TYK2: variants seen among roughly 807,000 people sequenced by gnomAD.
TYK2 encodes tyrosine kinase 2, also known as non-receptor tyrosine-protein kinase TYK2.
TYK2 carries 65 observed loss-of-function variants against 130.9 expected under a neutral mutation model. The ratio of observed to expected loss-of-function variants is 0.50; its 90% CI spans 0.41 to 0.61. TYK2 has a LOEUF of 0.61. Among genes scored for constraint, TYK2 ranks in the 20% least tolerant of loss-of-function variants. TYK2 has a pLI of 0.00. For synonymous variants in TYK2, 647 were observed against 658.9 expected (o/e 0.98, Z 0.28); for missense variants, 1,378 against 1,610.7 (o/e 0.86, Z 2.47).
intron 9 of TYK2, among the ~76,000 whole-genome samples, chr19:10,363,540 T>C (rs970991469): frequency 6.6e-5 from 10 of 152,004 alleles, no homozygotes; most frequent in East Asian, 1.9e-4. Context: ...CACTCCAAGA[T>C]TGGAAACAGC....
In TYK2 at chr19:10,380,490, G is replaced by C. The variant is rs1313657668; in HGVS notation, c.-296C>G. On this transcript the variant is annotated 5_prime_UTR_variant, in exon 1 of 25. Coordinates refer to ENST00000525621, the MANE Select transcript of TYK2 (RefSeq NM_003331.5). ...GAGGACCTCCGGCCGCGCTCCTTCCGCGCCCGCGTCCAGACTCACCCTTCC... is the reference window on the plus strand; with the variant it reads ...GAGGACCTCCGGCCGCGCTCCTTCCCCGCCCGCGTCCAGACTCACCCTTCC... The C allele has an allele frequency of 6.6e-6, 1 of 152,440 alleles. No individual in the cohort carries two copies. Among genetic ancestry groups the C allele is most frequent in the Non-Finnish European group, 1.5e-5 (1 of 68,124 alleles). 9.4% of individuals were successfully genotyped at this position (152,440 alleles called of 1,614,324 possible). A position where few individuals can be genotyped will look rare whatever the true frequency, so the allele number is the denominator to read the frequency against.
chr19:10,352,446 C>T lies in TYK2; in HGVS notation c.3306G>A (p.Gln1102=), dbSNP rs758487187. 6.2e-7 allele frequency: 1 copy of T among 1,610,096 alleles called. No homozygotes were observed. Among genetic ancestry groups the T allele is most frequent in the Admixed American group, 1.7e-5 (1 of 59,476 alleles). ...YELLTHCDSS[Q]SPPTKFLELI... ...GCCTGGCTCTCACCGTGGGGGGGCTCTGGCTGGAGTCACAGTGCGTCAGCA... is the reference window on the plus strand; with the variant it reads ...GCCTGGCTCTCACCGTGGGGGGGCTTTGGCTGGAGTCACAGTGCGTCAGCA... The change falls in exon 23 of 25, where the codon CAG becomes CAA. Residue 1102 remains glutamine, a synonymous_variant. Coordinates refer to ENST00000525621, the MANE Select transcript of TYK2 (RefSeq NM_003331.5).
chr19:10,358,112 A>T lies in TYK2; in HGVS notation c.2202T>A (p.Asn734Lys). 6.2e-7 allele frequency: 1 copy of T among 1,610,982 alleles called. No homozygotes were observed. The highest frequency in any genetic ancestry group is 8.5e-7 in the Non-Finnish European group (1 of 1,179,070). The change falls in exon 16 of 25, where the codon AAT becomes AAA. Residue 734 changes from asparagine (N) to lysine (K), a missense_variant. Coordinates refer to ENST00000525621, the MANE Select transcript of TYK2 (RefSeq NM_003331.5). ...YLENKNLVHG[N>K]VCGRNILLAR... ...CCAGCAGGATGTTCCGGCCACACAC[A>T]TTACCATGAACCAGGTTCTTGTTCT...
Position 10,353,494 on chromosome 19 carries a change from G to A in TYK2, c.3027+34C>T. The A allele has an allele frequency of 2.1e-6, 3 of 1,435,514 alleles. No homozygotes were observed. The highest frequency in any genetic ancestry group is 2.8e-6 in the Non-Finnish European group (3 of 1,073,880). The allele number at this position is 1,435,514 out of a possible 1,614,324, so 88.9% of individuals were successfully genotyped here. The stretch of plus-strand genomic sequence containing the variant: ...GCCAGCCCAAGCTGAAGAGGAAGGG[G>A]CAAGCTCCAGAAGCAGGGGCGGGGC... On this transcript the variant is annotated intron_variant, in intron 21 of 24. Transcript: ENST00000525621. The surrounding 1 kb of genome is among the most constrained non-coding windows in gnomAD (Gnocchi z 6.9).
chr19:10,354,091 C>G lies in TYK2; in HGVS notation c.2859G>C (p.Thr953=), dbSNP rs748253254. Residue 953 remains threonine (T), a synonymous_variant, in exon 20 of 25, where the codon ACG becomes ACC. Transcript: ENST00000525621. ...GWKQEIDILR[T]LYHEHIIKYK... is the part of the protein sequence containing the mutation. The stretch of plus-strand genomic sequence containing the variant: ...ACTTGATGATGTGCTCGTGGTAGAG[C>G]GTGCGCAGAATGTCAATCTCCTGCT... 6.2e-7 allele frequency: 1 copy of G among 1,614,090 alleles called. No individual in the cohort carries two copies. Among genetic ancestry groups the G allele is most frequent in the Admixed American group, 1.7e-5 (1 of 60,032 alleles).
intron 5 of TYK2, among the ~76,000 whole-genome samples, 169 bp from the exon 6 acceptor site, chr19:10,366,749 A>G (rs1422563341): frequency 6.6e-6 from 1 of 152,000 alleles, no homozygotes; most frequent in Non-Finnish European, 1.5e-5. Flanking sequence ...AAAAAAAAAA[A>G]AAAGAATATC....
In TYK2 at chr19:10,362,391, G is replaced by A. The variant is rs773294079; in HGVS notation, c.1542C>T (p.Phe514=). The A allele has an allele frequency of 2.9e-5, 47 of 1,613,688 alleles. No homozygotes were observed. Among genetic ancestry groups the A allele is most frequent in the East Asian group, 1.1e-4 (5 of 44,894 alleles). ...AGGACCGGCCCCAGCCCTCCAGCACGAAGGCCCCGTCCTGCTGCTCAATGG... is the reference window on the plus strand; with the variant it reads ...AGGACCGGCCCCAGCCCTCCAGCACAAAGGCCCCGTCCTGCTGCTCAATGG... ...KFPIEQQDGA[F]VLEGWGRSFP... is the part of the protein sequence containing the mutation. Residue 514 remains phenylalanine (F), a synonymous_variant, in exon 11 of 25, where the codon TTC becomes TTT. Coordinates refer to ENST00000525621, the MANE Select transcript of TYK2 (RefSeq NM_003331.5).
In TYK2 at chr19:10,378,220, T is replaced by C. The variant is rs1249291887; in HGVS notation, c.187A>G (p.Lys63Glu). 3 of 1,612,714 alleles carry C rather than the reference T, an allele frequency of 1.9e-6. No homozygotes were observed. The East Asian group carries it at 6.7e-5, about 36-fold the overall frequency. ...AEEVCIHIAH[K>E]VGITPPCFNL... ...GCCAACGCCCCAGACTCACCAACTT[T>C]ATGTGCAATGTGGATGCAGACTTCC... Residue 63 changes from lysine to glutamate, a missense_variant, in exon 3 of 25, where the codon AAA becomes GAA. Physicochemically the swap from Lys to Glu is moderately conservative, Grantham distance 56 (BLOSUM62 1). Coordinates refer to ENST00000525621, the MANE Select transcript of TYK2 (RefSeq NM_003331.5).
Position 10,362,393 on chromosome 19 carries a change from A to G in TYK2, c.1540T>C (p.Phe514Leu), listed in dbSNP as rs2041453601. Residue 514 changes from phenylalanine (F) to leucine (L), a missense_variant, in exon 11 of 25, where the codon TTC becomes CTC. Transcript: ENST00000525621. ...KFPIEQQDGA[F>L]VLEGWGRSFP... is the part of the protein sequence containing the mutation. The stretch of plus-strand genomic sequence containing the variant: ...GACCGGCCCCAGCCCTCCAGCACGA[A>G]GGCCCCGTCCTGCTGCTCAATGGGG... 6.2e-7 allele frequency: 1 copy of G among 1,613,744 alleles called. No individual in the cohort carries two copies. The highest frequency in any genetic ancestry group is 2.2e-5 in the East Asian group (1 of 44,878).
chr19:10,363,813 C>G (rs985826920), intron 9 of TYK2, among the ~76,000 whole-genome samples: 1 of 152,188 alleles, frequency 6.6e-6, no homozygotes, highest in African/African-American at 2.4e-5. Context: ...CCTGTCTGTA[C>G]GGGGGCAGCA....
chr19:10,363,505 A>G (rs933017956), intron 9 of TYK2, among the ~76,000 whole-genome samples: 1 of 152,114 alleles, frequency 6.6e-6, no homozygotes, highest in African/African-American at 2.4e-5. Context: ...ACTTGACGCC[A>G]GACGGGCCCT....
intron 17 of TYK2, chr19:10,357,429 C>T (rs1265338746): frequency 1.5e-6 from 1 of 682,544 alleles, no homozygotes; most frequent in East Asian, 2.7e-5. Context: ...CTTTGGGAAG[C>T]CTTGTCTGAC....
chr19:10,357,964 G>A, intron 16 of TYK2, 39 bp downstream of exon 16: 1 of 1,613,458 alleles, frequency 6.2e-7, no homozygotes, highest in Non-Finnish European at 8.5e-7. Context: ...AGGAGCAGGG[G>A]AAGCCCCCCA....
chr19:10,351,002 C>T, intron 24 of TYK2, 34 bp from the exon 25 acceptor site: 2 of 1,614,124 alleles, frequency 1.2e-6, no homozygotes, highest in Non-Finnish European at 1.7e-6. Flanking sequence ...TGGGGGCTGC[C>T]CTCTCCACAG....
At chr19:10,355,635 C>T (rs576222526) in intron 18 of TYK2, among the ~76,000 whole-genome samples, 29 of 98,946 alleles carry the variant, frequency 2.9e-4, no homozygotes, top group African/African-American at 1.2e-3. Context: ...AGCAAAACTC[C>T]ATCTCAAAAA....
chr19:10,358,308 T>G (rs1332664954), intron 15 of TYK2, among the ~76,000 whole-genome samples, 170 bp from the exon 16 acceptor site: 4 of 148,036 alleles, frequency 2.7e-5, no homozygotes, highest in Non-Finnish European at 6.0e-5. Flanking sequence ...TTTTTTTTTT[T>G]TTTTTTTTTT....
chr19:10,371,238 G>C (rs1398977567), intron 3 of TYK2, among the ~76,000 whole-genome samples: 4 of 151,692 alleles, frequency 2.6e-5, no homozygotes, highest in Non-Finnish European at 5.9e-5. Flanking sequence ...GTAGCTGGGA[G>C]GCTGAGCTAC....
chr19:10,357,521 C>T (rs1395771211), intron 17 of TYK2: 1 of 715,390 alleles, frequency 1.4e-6, no homozygotes, highest in East Asian at 2.7e-5. Flanking sequence ...CCTGGTCACT[C>T]TGCCTAAAAC....
chr19:10,352,598 T>C, intron 22 of TYK2, 47 bp from the exon 23 acceptor site: 1 of 962,146 alleles, frequency 1.0e-6, no homozygotes, highest in Non-Finnish European at 1.6e-6. Context: ...CACTGAGGGC[T>C]TGGGGATCAG....
Sources: allele counts gnomAD v4.1 joint callset (sites outside exome capture counted in the v4.1 genomes callset), GRCh38; gene constraint gnomAD v4.1.1; non-coding constraint Gnocchi (gnomAD v3.1); transcripts MANE v1.5; gene names NCBI Gene and HGNC (gene_info 2026-07-23, HGNC 2026-07-21).